SH3BP2: variants seen among roughly 807,000 people sequenced by gnomAD.
The protein encoded by SH3BP2 is SH3 domain binding protein 2.
In SH3BP2, 38 loss-of-function variants were observed where a neutral mutation model predicts 56.2. The ratio of observed to expected loss-of-function variants is 0.68; its 90% CI spans 0.52 to 0.89. The LOEUF is 0.89. Ranked by LOEUF, SH3BP2 falls within the 40% of genes least tolerant of loss-of-function variation. The pLI is 0.00. For missense variants in SH3BP2, 748 were observed against 762.6 expected (o/e 0.98, Z 0.23); for synonymous variants, 346 against 316.7 (o/e 1.09, Z -0.98).
intron 1 of SH3BP2, chr4:2,818,312 CGG>C: frequency 9.0e-7 from 1 of 1,105,082 alleles, no homozygotes; most frequent in East Asian, 4.9e-5. Flanking sequence ...GGACGCGGCC[CGG>C]GGCCGTGCCG....
chr4:2,818,785 CT>C (rs1160182710), intron 1 of SH3BP2: 1 of 987,440 alleles, frequency 1.0e-6, no homozygotes, highest in Non-Finnish European at 1.2e-6. Flanking sequence ...GAGGGGCTGT[CT>C]TTGGGTGCAG....
In SH3BP2 at chr4:2,831,441, T is replaced by A; in HGVS notation, c.1242-130T>A. On this transcript the variant is annotated intron_variant, in intron 8 of 12. Coordinates refer to ENST00000503393, the MANE Select transcript of SH3BP2 (RefSeq NM_001122681.2). The surrounding 1 kb of genome is among the most constrained non-coding windows in gnomAD (Gnocchi z 4.1). ...CGGATCTCTGTTGTCCTGAGCTTTTTAGGGTCACAGGGGCCATAGCAGGCA... is the reference window on the plus strand; with the variant it reads ...CGGATCTCTGTTGTCCTGAGCTTTTAAGGGTCACAGGGGCCATAGCAGGCA... 1.4e-6 allele frequency: 1 copy of A among 738,838 alleles called. No homozygotes were observed. The highest frequency in any genetic ancestry group is 2.4e-6 in the Non-Finnish European group (1 of 410,896). The allele number at this position is 738,838 out of a possible 1,614,324, so 45.8% of individuals were successfully genotyped here. A position where few individuals can be genotyped will look rare whatever the true frequency, so the allele number is the denominator to read the frequency against.
At chr4:2,800,087 G>C (rs1215330596) in intron 1 of SH3BP2, among the ~76,000 whole-genome samples, 1 of 152,132 alleles carries the variant, frequency 6.6e-6, no homozygotes, top group Admixed American at 6.5e-5. Flanking sequence ...GTTCGTCGAG[G>C]CTGCAGAAGG....
chr4:2,824,768 G>C (rs754104633), intron 4 of SH3BP2, 38 bp downstream of exon 4: 53 of 1,479,134 alleles, frequency 3.6e-5, no homozygotes, highest in Non-Finnish European at 4.7e-5. Flanking sequence ...AGGTGACTGG[G>C]GGTGTGGGCC....
rs1439845252 is a variant in SH3BP2 at position 2,827,098 on chromosome 4, T to TCAGTGTATCCGTGTGTGC, written c.429-131_429-114dup. ...GCTTAACCATGTGTGCATGTGTTTG[T>TCAGTGTATCCGTGTGTGC]CAGTGTATCCGTGTGTGCATCTGTG... On this transcript the variant is annotated intron_variant, in intron 5 of 12. Coordinates refer to ENST00000503393, the MANE Select transcript of SH3BP2 (RefSeq NM_001122681.2). The TCAGTGTATCCGTGTGTGC allele has an allele frequency of 5.4e-6, 4 of 739,662 alleles. No homozygotes were observed. The South Asian group carries it at 5.8e-5, about 11-fold the overall frequency. 45.8% of individuals were successfully genotyped at this position (739,662 alleles called of 1,614,324 possible). A position where few individuals can be genotyped will look rare whatever the true frequency, so the allele number is the denominator to read the frequency against.
intron 1 of SH3BP2, chr4:2,796,300 C>A: frequency 2.0e-6 from 1 of 509,420 alleles, no homozygotes; most frequent in Non-Finnish European, 2.5e-6. Flanking sequence ...CTGGGTCAGA[C>A]AGGAGTTCGA....
intron 1 of SH3BP2, chr4:2,812,110 C>A: frequency 8.0e-7 from 1 of 1,247,684 alleles, no homozygotes; most frequent in Non-Finnish European, 1.1e-6. Context: ...GATGGGAGGG[C>A]AGGAGCAGTG....
At chr4:2,820,319 T>C (rs940088641) in intron 1 of SH3BP2, among the ~76,000 whole-genome samples, 2 of 152,164 alleles carry the variant, frequency 1.3e-5, no homozygotes, top group Admixed American at 6.5e-5. Context: ...TTGCGCTCAG[T>C]GGCTGTGTGC....
chr4:2,831,866 G>A lies in SH3BP2; in HGVS notation c.1351-57G>A, dbSNP rs1185621166. The A allele has an allele frequency of 3.8e-6, 6 of 1,575,730 alleles. No homozygotes were observed. The highest frequency in any genetic ancestry group is 2.6e-6 in the Non-Finnish European group (3 of 1,149,524). On this transcript the variant is annotated intron_variant, in intron 9 of 12. Transcript: ENST00000503393. The surrounding 1 kb of genome is among the most constrained non-coding windows in gnomAD (Gnocchi z 4.1). ...GCACCGGGTGGCCACCGTCCGGGGA[G>A]TGGTGGTGCGGGTGGATCACTCCGA...
rs1725207624 is a variant in SH3BP2 at position 2,835,723 on chromosome 4, C to G, written c.*1889C>G. On this transcript the variant is annotated 3_prime_UTR_variant, in exon 13 of 13. Coordinates refer to ENST00000503393, the MANE Select transcript of SH3BP2 (RefSeq NM_001122681.2). The stretch of plus-strand genomic sequence containing the variant: ...CACTGCCACCTCCGCCTCTCTAGTT[C>G]AAGCGATTTTCCTGCCTCAGCCTCC... 1 of 152,228 alleles carries G rather than the reference C, an allele frequency of 6.6e-6. No individual in the cohort carries two copies. The highest frequency in any genetic ancestry group is 6.5e-5 in the Admixed American group (1 of 15,274). 9.4% of individuals were successfully genotyped at this position (152,228 alleles called of 1,614,324 possible). A position where few individuals can be genotyped will look rare whatever the true frequency, so the allele number is the denominator to read the frequency against.
At chr4:2,800,577 G>A in intron 1 of SH3BP2, among the ~76,000 whole-genome samples, 1 of 151,478 alleles carries the variant, frequency 6.6e-6, no homozygotes, top group Non-Finnish European at 1.5e-5. Context: ...TGACGGGCCA[G>A]GTGGCACTTC....
chr4:2,797,190 G>A (rs1361051717), intron 1 of SH3BP2, among the ~76,000 whole-genome samples: 4 of 152,194 alleles, frequency 2.6e-5, no homozygotes, highest in Non-Finnish European at 5.9e-5. Flanking sequence ...CTAGGCATAG[G>A]GGTGGGCCCT....
chr4:2,823,192 C>T (rs901485351), intron 3 of SH3BP2, among the ~76,000 whole-genome samples, 155 bp downstream of exon 3: 8 of 152,222 alleles, frequency 5.3e-5, no homozygotes, highest in Non-Finnish European at 1.2e-4. Flanking sequence ...CGCCCAGCCT[C>T]CACAGTGCCT....
At chr4:2,828,343 C>G (rs568393522) in intron 7 of SH3BP2, among the ~76,000 whole-genome samples, 1 of 152,034 alleles carries the variant, frequency 6.6e-6, no homozygotes, top group Non-Finnish European at 1.5e-5. Context: ...CTGACTTGGC[C>G]TCTGCCGACC....
chr4:2,840,742 CAAT>C lies in SH3BP2; in HGVS notation c.*6909_*6911del, dbSNP rs1368591561. ...AAAATCAGCTTGTCAATTCCAACAA[CAAT>C]GATGCACTTGATAGTTTGGGAATTT... On this transcript the variant is annotated 3_prime_UTR_variant, in exon 13 of 13. Coordinates refer to ENST00000503393, the MANE Select transcript of SH3BP2 (RefSeq NM_001122681.2). 6 of 152,188 alleles carry C rather than the reference CAAT, an allele frequency of 3.9e-5. No individual in the cohort carries two copies. Among genetic ancestry groups the C allele is most frequent in the Non-Finnish European group, 5.9e-5 (4 of 68,034 alleles). The allele number at this position is 152,188 out of a possible 1,614,324, so 9.4% of individuals were successfully genotyped here.
At chr4:2,796,600 T>C (rs1027457116) in intron 1 of SH3BP2, 2 of 299,042 alleles carry the variant, frequency 6.7e-6, no homozygotes, top group African/African-American at 4.6e-5. Context: ...CCCTGAGGGG[T>C]TGGCAGAGCG....
chr4:2,818,831 C>T (rs906111335), intron 1 of SH3BP2: 2 of 986,308 alleles, frequency 2.0e-6, no homozygotes, highest in Admixed American at 6.1e-5. Context: ...GTGACCCAGG[C>T]CGAGGCCGGC....
At chr4:2,822,091 C>T (rs1249998466) in intron 2 of SH3BP2, among the ~76,000 whole-genome samples, 1 of 152,186 alleles carries the variant, frequency 6.6e-6, no homozygotes, top group Non-Finnish European at 1.5e-5. Context: ...TGGTCTCGAA[C>T]TCCTGACTTC....
At chr4:2,818,817 C>A in intron 1 of SH3BP2, 1 of 986,638 alleles carries the variant, frequency 1.0e-6, no homozygotes, top group Non-Finnish European at 1.2e-6. Context: ...TGGGGTCCAG[C>A]CGGGTGACCC....
Sources: allele counts gnomAD v4.1 joint callset (sites outside exome capture counted in the v4.1 genomes callset), GRCh38; gene constraint gnomAD v4.1.1; non-coding constraint Gnocchi (gnomAD v3.1); transcripts MANE v1.5; gene names NCBI Gene and HGNC (gene_info 2026-07-23, HGNC 2026-07-21).